Variants in F13B observed in about 807,000 individuals in gnomAD.
The protein encoded by F13B is coagulation factor XIII B chain.
In F13B, 58 loss-of-function variants were observed where a neutral mutation model predicts 79.8. The ratio of observed to expected loss-of-function variants is 0.73; its 90% CI spans 0.59 to 0.90. F13B has a LOEUF of 0.90. F13B is among the 40% of genes least tolerant of loss of function. F13B has a pLI of 0.00. For missense variants in F13B, 773 were observed against 777.0 expected (o/e 0.99, Z 0.06); for synonymous variants, 283 against 260.3 (o/e 1.09, Z -0.84).
chr1:197,063,462 A>T, intron 1 of F13B, among the ~76,000 whole-genome samples: 1 of 152,058 alleles, frequency 6.6e-6, no homozygotes, highest in East Asian at 1.9e-4. Flanking sequence ...CTGCAGGCAC[A>T]TGCCACCACA....
chr1:197,044,514 C>G (rs1199015472), intron 10 of F13B, among the ~76,000 whole-genome samples: 1 of 152,060 alleles, frequency 6.6e-6, no homozygotes, highest in African/African-American at 2.4e-5. Context: ...AAAGCAAGTC[C>G]TTAGAGACCT....
chr1:197,050,490 TA>T (rs1176316948), intron 10 of F13B, among the ~76,000 whole-genome samples: 1 of 152,054 alleles, frequency 6.6e-6, no homozygotes, highest in Non-Finnish European at 1.5e-5. Context: ...GGTTTGTCTT[TA>T]AAAAAATATG....
chr1:197,055,772 C>T lies in F13B; in HGVS notation c.1297G>A (p.Gly433Arg). The change falls in exon 8 of 12, where the codon GGA becomes AGA. Residue 433 changes from glycine to arginine, a missense_variant. By Grantham distance (125) the Gly-to-Arg change is moderately radical. Coordinates refer to ENST00000367412, the MANE Select transcript of F13B (RefSeq NM_001994.3). ...YRCNEYYLLR[G>R]SKISRCEQGK... is the part of the protein sequence containing the mutation. ...TGTTCGCAACGAGATATTTTTGATC[C>T]CCTCAGTAAGTAATATTCATTGCAT... 6.2e-7 allele frequency: 1 copy of T among 1,613,536 alleles called. No homozygotes were observed. The highest frequency in any genetic ancestry group is 8.5e-7 in the Non-Finnish European group (1 of 1,179,722).
chr1:197,065,042 T>C (rs1655999843), intron 1 of F13B, among the ~76,000 whole-genome samples: 1 of 152,196 alleles, frequency 6.6e-6, no homozygotes, highest in Non-Finnish European at 1.5e-5. Flanking sequence ...CAGAAAAACA[T>C]GGGCTGGATA....
chr1:197,054,392 T>A (rs1196209978), intron 8 of F13B, among the ~76,000 whole-genome samples: 1 of 152,052 alleles, frequency 6.6e-6, no homozygotes, highest in Non-Finnish European at 1.5e-5. Flanking sequence ...CAAAATTCTA[T>A]GTGAATATGT....
intron 5 of F13B, among the ~76,000 whole-genome samples, chr1:197,058,967 A>T (rs1655745943): frequency 6.6e-6 from 1 of 152,144 alleles, no homozygotes; most frequent in South Asian, 2.1e-4. Flanking sequence ...TTGAAGTAGC[A>T]CTTTGAGAGG....
At chr1:197,049,252 G>T (rs935229339) in intron 10 of F13B, among the ~76,000 whole-genome samples, 3 of 151,756 alleles carry the variant, frequency 2.0e-5, no homozygotes, top group Non-Finnish European at 4.4e-5. Flanking sequence ...TAGAAGAAAG[G>T]AAATAATAAA....
chr1:197,052,867 C>T (rs1558307563), intron 8 of F13B, 33 bp from the exon 9 acceptor site: 2 of 1,525,082 alleles, frequency 1.3e-6, no homozygotes. Context: ...AAATTCTTTA[C>T]TTGTCTGACA....
In F13B at chr1:197,040,594, A is replaced by G; in HGVS notation, c.1880T>C (p.Ile627Thr). The G allele has an allele frequency of 6.2e-7, 1 of 1,612,378 alleles. No individual in the cohort carries two copies. Among genetic ancestry groups the G allele is most frequent in the Non-Finnish European group, 8.5e-7 (1 of 1,178,620 alleles). Reference protein sequence around the residue: ...RGDTYPAELYITGSILRMQCD... With the variant: ...RGDTYPAELYTTGSILRMQCD... ...TTGCATTCTAAGTATAGATCCAGTAATATATAATTCAGCTGGATAAGTATC... is the reference window on the plus strand; with the variant it reads ...TTGCATTCTAAGTATAGATCCAGTAGTATATAATTCAGCTGGATAAGTATC... Residue 627 changes from isoleucine to threonine, a missense_variant, in exon 11 of 12, where the codon ATT (isoleucine) becomes ACT (threonine). Ile to Thr is a moderately conservative substitution (Grantham distance 89). Transcript: ENST00000367412.
chr1:197,061,129 A>G, intron 3 of F13B, 54 bp from the exon 4 acceptor site: 1 of 889,104 alleles, frequency 1.1e-6, no homozygotes, highest in East Asian at 2.9e-5. Context: ...CCTAGATTAT[A>G]AAAAATCTCA....
At chr1:197,062,389 A>G (rs1448310848) in intron 2 of F13B, among the ~76,000 whole-genome samples, 1 of 152,174 alleles carries the variant, frequency 6.6e-6, no homozygotes, top group Non-Finnish European at 1.5e-5. Flanking sequence ...TCAAACTTTC[A>G]ATTCAAAATT....
In F13B at chr1:197,066,074, G is replaced by A. The variant is rs17514501; in HGVS notation, c.64+1086C>T. 2.1e-3 allele frequency among the ~76,000 whole-genome samples: 313 copies of A among 151,054 alleles called. 2 individuals are homozygous for A. The highest frequency in any genetic ancestry group is 7.1e-3 in the African/African-American group (294 of 41,236). On this transcript the variant is annotated intron_variant, in intron 1 of 11. Coordinates refer to ENST00000367412, the MANE Select transcript of F13B (RefSeq NM_001994.3). The stretch of plus-strand genomic sequence containing the variant: ...AACTAGAATATTGCAATGTCTTTAT[G>A]GTATAGATAACAGACAATTATATCT...
intron 9 of F13B, 80 bp from the exon 10 acceptor site, chr1:197,050,959 T>C (rs1655420965): frequency 2.5e-6 from 3 of 1,184,838 alleles, no homozygotes; most frequent in Non-Finnish European, 3.7e-6. Flanking sequence ...AGAGACAGAG[T>C]CTCCCTCTGT....
At position 197,062,858 on chromosome 1, in the gene F13B, G is replaced by A; in HGVS notation, c.264C>T (p.Phe88=). The change falls in exon 2 of 12, where the codon TTC becomes TTT. Residue 88 remains phenylalanine (F), a splice_region_variant and synonymous_variant. Transcript: ENST00000367412. ...GAGTGACATATCCAGCTGACTTACT[G>A]AAGCACCTTGGCTCTGGAGACCAGC... The part of the protein sequence containing the change: ...TEGWSPEPRC[F]KKCTKPDLSN... The A allele has an allele frequency of 6.2e-7, 1 of 1,613,630 alleles. No individual in the cohort carries two copies. Among genetic ancestry groups the A allele is most frequent in the Admixed American group, 1.7e-5 (1 of 59,994 alleles).
chr1:197,039,315 A>G lies in F13B; in HGVS notation c.*63T>C. 4.3e-6 allele frequency: 6 copies of G among 1,399,724 alleles called. No individual in the cohort carries two copies. The highest frequency in any genetic ancestry group is 6.0e-6 in the Non-Finnish European group (6 of 995,926). The allele number at this position is 1,399,724 out of a possible 1,614,324, so 86.7% of individuals were successfully genotyped here. A position where few individuals can be genotyped will look rare whatever the true frequency, so the allele number is the denominator to read the frequency against. The stretch of plus-strand genomic sequence containing the variant: ...GAAGTTTTTAACTTATTTCCTCAAA[A>G]TTATATTTTATAAGGAATTTCATGA... On this transcript the variant is annotated 3_prime_UTR_variant, in exon 12 of 12. Transcript: ENST00000367412.
At chr1:197,060,645 G>T in intron 4 of F13B, 103 bp from the exon 5 acceptor site, 1 of 865,224 alleles carries the variant, frequency 1.2e-6, no homozygotes, top group South Asian at 1.7e-5. Flanking sequence ...AATTAAATTT[G>T]CCAAAAAGCT....
In F13B at chr1:197,061,814, A is replaced by C; in HGVS notation, c.421T>G (p.Ser141Ala). 1.2e-6 allele frequency: 2 copies of C among 1,613,366 alleles called. No homozygotes were observed. Among genetic ancestry groups the C allele is most frequent in the Non-Finnish European group, 1.7e-6 (2 of 1,179,550 alleles). ...TCTTTCCTACAGGTTGGTTGAGAAGACCATCCATCAGAGAGACATTGAACC... is the reference window on the plus strand; with the variant it reads ...TCTTTCCTACAGGTTGGTTGAGAAGCCCATCCATCAGAGAGACATTGAACC... ...EVVQCLSDGW[S>A]SQPTCRKEHE... The change falls in exon 3 of 12, where the codon TCT becomes GCT. Residue 141 changes from serine to alanine, a missense_variant. Coordinates refer to ENST00000367412, the MANE Select transcript of F13B (RefSeq NM_001994.3).
At chr1:197,060,847 T>A in intron 4 of F13B, 52 bp downstream of exon 4, 1 of 1,521,952 alleles carries the variant, frequency 6.6e-7, no homozygotes, top group Non-Finnish European at 9.1e-7. Flanking sequence ...CACTTCTCTA[T>A]GAGAAAAAGC....
intron 1 of F13B, among the ~76,000 whole-genome samples, chr1:197,065,853 T>C (rs1041807956): frequency 3.3e-5 from 5 of 152,004 alleles, no homozygotes; most frequent in African/African-American, 7.2e-5. Flanking sequence ...AAAGCAAGAG[T>C]GAGACCTTTC....
Sources: gnomAD v4.1 joint callset for allele counts (sites outside exome capture counted in the v4.1 genomes callset) on GRCh38, gnomAD v4.1.1 for gene constraint, MANE v1.5 for transcripts, NCBI Gene and HGNC (gene_info 2026-07-23, HGNC 2026-07-21) for gene names.